APOBEC3D: variants seen among roughly 807,000 people sequenced by gnomAD.
APOBEC3D encodes the protein DNA dC->dU-editing enzyme APOBEC-3D.
A neutral mutation model predicts 45.6 loss-of-function variants in APOBEC3D; 37 were observed. The ratio of observed to expected loss-of-function variants is 0.81; its 90% CI spans 0.62 to 1.07. The LOEUF is 1.07. Ranked by LOEUF, APOBEC3D falls within the 50% of genes least tolerant of loss-of-function variation. The pLI is 0.00. For missense variants in APOBEC3D, 496 were observed against 495.3 expected (o/e 1.00, Z -0.01); for synonymous variants, 175 against 180.7 (o/e 0.97, Z 0.25).
chr22:39,022,035 A>G (rs1237376115), intron 1 of APOBEC3D, among the ~76,000 whole-genome samples: 1 of 152,256 alleles, frequency 6.6e-6, no homozygotes, highest in Non-Finnish European at 1.5e-5. Flanking sequence ...ATGACTCCAC[A>G]GTCAGCAGAT....
intron 4 of APOBEC3D, among the ~76,000 whole-genome samples, chr22:39,027,947 G>A (rs1925844372): frequency 2.0e-5 from 3 of 152,186 alleles, no homozygotes; most frequent in South Asian, 4.1e-4. Context: ...TGTGCTTCCC[G>A]CCATTCCTGA....
intron 4 of APOBEC3D, among the ~76,000 whole-genome samples, chr22:39,026,123 A>G (rs1925637172): frequency 6.6e-6 from 1 of 152,218 alleles, no homozygotes; most frequent in South Asian, 2.1e-4. Context: ...TTCCGCGGCC[A>G]TAGAAGATGC....
rs186393243 is a variant in APOBEC3D, at chr22:39,033,171, C to T, written c.*855C>T. The T allele has an allele frequency of 3.6e-5, 26 of 731,842 alleles. No individual in the cohort carries two copies. The highest frequency in any genetic ancestry group is 1.9e-4 in the Admixed American group (3 of 15,928). 45.3% of individuals were successfully genotyped at this position (731,842 alleles called of 1,614,324 possible). A position where few individuals can be genotyped will look rare whatever the true frequency, so the allele number is the denominator to read the frequency against. On this transcript the variant is annotated 3_prime_UTR_variant, in exon 7 of 7. Transcript: ENST00000216099. The stretch of plus-strand genomic sequence containing the variant: ...GGTGGAGGCTGGAGTAAACTGAGAT[C>T]GCGCCACAGAACTCCAGTTTGAGCA...
Position 39,021,642 on chromosome 22 carries a change from T to C in APOBEC3D, c.17+106T>C, listed in dbSNP as rs762347432. The C allele has an allele frequency of 3.4e-4, 515 of 1,522,146 alleles. 1 individual carries two copies. Among genetic ancestry groups the C allele is most frequent in the Non-Finnish European group, 3.5e-4 (391 of 1,104,186 alleles). The allele number at this position is 1,522,146 out of a possible 1,614,324, so 94.3% of individuals were successfully genotyped here. A position where few individuals can be genotyped will look rare whatever the true frequency, so the allele number is the denominator to read the frequency against. ...CCCTGCCCCAGCCCCAGCCCTGGAC[T>C]TCCTTCCCTCTGGCTTCCCTGCCGC... On this transcript the variant is annotated intron_variant, in intron 1 of 6. Transcript: ENST00000216099.
chr22:39,023,372 T>C (rs1324763183), intron 2 of APOBEC3D, among the ~76,000 whole-genome samples: 3 of 152,040 alleles, frequency 2.0e-5, no homozygotes, highest in South Asian at 2.1e-4. Flanking sequence ...TGCCTTGGCC[T>C]CTGAAAGTTC....
Position 39,029,489 on chromosome 22 carries a change from C to G in APOBEC3D, c.732C>G (p.Val244=). Residue 244 remains valine, a synonymous_variant, in exon 5 of 7, where the codon GTC becomes GTG. Transcript: ENST00000216099. ...TMEVTKHHSA[V]FRKRGVFRNQ... ...AAGTTACAAAGCACCACTCAGCTGT[C>G]TTCCGGAAGAGGGGCGTCTTCCGAA... 1 of 1,614,194 alleles carries G rather than the reference C, an allele frequency of 6.2e-7. No individual in the cohort carries two copies.
intron 4 of APOBEC3D, 98 bp downstream of exon 4, chr22:39,025,769 C>G (rs1395561954): frequency 6.4e-7 from 1 of 1,565,614 alleles, no homozygotes; most frequent in Non-Finnish European, 8.6e-7. Context: ...CTCCGTCCTG[C>G]CCCCCTGCCT....
At position 39,023,533 on chromosome 22, in the gene APOBEC3D, G is replaced by A. The variant is rs368842526; in HGVS notation, c.210+519G>A. ...CTCAATCTTGGCTCATTCAACTTCC[G>A]CCTCCTGGGTTCAAGCGATTATCCT... On this transcript the variant is annotated intron_variant, in intron 2 of 6. Coordinates refer to ENST00000216099, the MANE Select transcript of APOBEC3D (RefSeq NM_152426.4). Among the ~76,000 whole-genome samples the A allele has an allele frequency of 1.1e-4, 16 of 144,960 alleles. No homozygotes were observed. In the East Asian group the frequency reaches 2.5e-3, roughly 22 times the overall value.
rs1252896539 is a variant in APOBEC3D at position 39,032,758 on chromosome 22, AATTT to A, written c.*443_*446del. On this transcript the variant is annotated 3_prime_UTR_variant, in exon 7 of 7. Coordinates refer to ENST00000216099, the MANE Select transcript of APOBEC3D (RefSeq NM_152426.4). The stretch of plus-strand genomic sequence containing the variant: ...CAGATGCCTGCCACCACGCCCAGCT[AATTT>A]TTTTTTTTTTTTTTTTTTTTTTTTG... 4.7e-5 allele frequency: 7 copies of A among 148,598 alleles called. No individual in the cohort carries two copies. Among genetic ancestry groups the A allele is most frequent in the African/African-American group, 2.6e-4 (5 of 19,118 alleles). 9.2% of individuals were successfully genotyped at this position (148,598 alleles called of 1,614,324 possible). A position where few individuals can be genotyped will look rare whatever the true frequency, so the allele number is the denominator to read the frequency against.
chr22:39,023,107 C>CTATTTATTTATTCATTTATT, intron 2 of APOBEC3D, 93 bp downstream of exon 2: 1 of 749,850 alleles, frequency 1.3e-6, no homozygotes, highest in Admixed American at 4.5e-5. Context: ...TTTATTTTTT[C>CTATTTATTTATTCATTTATT]TATTTATTTA....
intron 1 of APOBEC3D, among the ~76,000 whole-genome samples, chr22:39,022,128 T>C (rs575039184): frequency 6.6e-6 from 1 of 152,344 alleles, no homozygotes; most frequent in Admixed American, 6.5e-5. Context: ...AAGAACGCGA[T>C]GATCAGGAGA....
At chr22:39,025,952 CCTT>C (rs1925618863) in intron 4 of APOBEC3D, among the ~76,000 whole-genome samples, 1 of 152,180 alleles carries the variant, frequency 6.6e-6, no homozygotes, top group Non-Finnish European at 1.5e-5. Context: ...CAACCTGGCT[CCTT>C]CTATCTCCCT....
rs1926236634 is a variant in APOBEC3D at position 39,031,764 on chromosome 22, C to T, written c.833C>T (p.Pro278Leu). ...LSWFCDDILS[P>L]NTNYEVTWYT... ...TGGTTCTGTGACGACATACTGTCTC[C>T]TAACACAAACTACGAGGTCACCTGG... The change falls in exon 6 of 7, where the codon CCT becomes CTT. Residue 278 changes from proline to leucine, a missense_variant. Physicochemically the swap from Pro to Leu is moderately conservative, Grantham distance 98 (BLOSUM62 -3). Transcript: ENST00000216099. The T allele has an allele frequency of 6.2e-7, 1 of 1,613,768 alleles. No homozygotes were observed. Among genetic ancestry groups the T allele is most frequent in the Admixed American group, 1.7e-5 (1 of 59,974 alleles).
At chr22:39,022,124 G>A (rs754682881) in intron 1 of APOBEC3D, among the ~76,000 whole-genome samples, 7 of 152,202 alleles carry the variant, frequency 4.6e-5, no homozygotes, top group Non-Finnish European at 7.3e-5. Context: ...GAGAAAGAAC[G>A]CGATGATCAG....
intron 4 of APOBEC3D, among the ~76,000 whole-genome samples, 155 bp from the exon 5 acceptor site, chr22:39,029,208 C>T (rs1925965301): frequency 6.6e-6 from 1 of 152,140 alleles, no homozygotes; most frequent in Non-Finnish European, 1.5e-5. Context: ...TCCTCTTTCT[C>T]TCTCCCAGTC....
chr22:39,024,387 TGAATGGATGCCTGGGA>T (rs1003797182), intron 2 of APOBEC3D, among the ~76,000 whole-genome samples: 4 of 152,010 alleles, frequency 2.6e-5, no homozygotes, highest in African/African-American at 9.7e-5. Flanking sequence ...GGATGCCTGG[TGAATGGATGCCTGGGA>T]GAATGGATGC....
chr22:39,028,797 T>C (rs1925929783), intron 4 of APOBEC3D, among the ~76,000 whole-genome samples: 1 of 152,022 alleles, frequency 6.6e-6, no homozygotes, highest in Admixed American at 6.6e-5. Flanking sequence ...TAGACGGGCG[T>C]GGTGGCATGC....
At position 39,029,641 on chromosome 22, in the gene APOBEC3D, C is replaced by CGT. The variant is rs1555899359; in HGVS notation, c.762+122_762+123insGT. On this transcript the variant is annotated intron_variant, in intron 5 of 6. Coordinates refer to ENST00000216099, the MANE Select transcript of APOBEC3D (RefSeq NM_152426.4). ...GTGTACTTTCCTCTTACATTTCTTT[C>CGT]TTTTTTTTTTTTTTAAGACAGAGTC... is the stretch of plus-strand genomic sequence containing the variant. 35 of 950,880 alleles carry CGT rather than the reference C, an allele frequency of 3.7e-5. No individual in the cohort carries two copies. In the Admixed American group the frequency reaches 8.8e-4, roughly 24 times the overall value. 58.9% of individuals were successfully genotyped at this position (950,880 alleles called of 1,614,324 possible).
At chr22:39,025,804 CCA>C in intron 4 of APOBEC3D, 133 bp downstream of exon 4, 1 of 1,534,536 alleles carries the variant, frequency 6.5e-7, no homozygotes, top group African/African-American at 1.4e-5. Context: ...ACCCCCTCAC[CCA>C]CACTCCTCAT....
Sources: gnomAD v4.1 joint callset for allele counts (sites outside exome capture counted in the v4.1 genomes callset) on GRCh38, gnomAD v4.1.1 for gene constraint, MANE v1.5 for transcripts, NCBI Gene and HGNC (gene_info 2026-07-23, HGNC 2026-07-21) for gene names.